The following HDAC4 variants were observed in gnomAD, a reference collection of about 807,000 sequenced individuals.
HDAC4 encodes the protein histone deacetylase A.
Under a neutral mutation model 135.1 loss-of-function variants are expected in HDAC4, and 16 were observed. The ratio of observed to expected loss-of-function variants is 0.12; its 90% CI spans 0.08 to 0.18. HDAC4 has a LOEUF of 0.18. HDAC4 is among the 10% of genes least tolerant of loss of function. The probability of loss-of-function intolerance (pLI) is 1.00; values close to 1 mark genes in which losing one functional copy is unlikely to be tolerated. For missense variants in HDAC4, 1,143 were observed against 1,511.8 expected, an observed-to-expected ratio of 0.76 and a Z score of 4.05; for synonymous variants, 685 against 653.4, an observed-to-expected ratio of 1.05 and a Z score of -0.74.
intron 1 of HDAC4, among the ~76,000 whole-genome samples, chr2:239,361,364 A>C (rs1014179877): frequency 3.9e-5 from 6 of 152,256 alleles, no homozygotes; most frequent in Non-Finnish European, 7.3e-5. Flanking sequence ...AGGATCTGAT[A>C]TCAAAGATTC....
chr2:239,347,921 G>A (rs190742423), intron 2 of HDAC4, among the ~76,000 whole-genome samples: 31 of 151,716 alleles, frequency 2.0e-4, no homozygotes, highest in East Asian at 3.9e-4. Context: ...GCTTCCTATC[G>A]AGAGCATCAT....
intron 6 of HDAC4, 136 bp from the exon 7 acceptor site, chr2:239,156,909 G>A: frequency 2.0e-6 from 2 of 999,332 alleles, no homozygotes; most frequent in Non-Finnish European, 1.5e-6. Context: ...TTTTCCCTAG[G>A]GTCAAGCTGA....
At chr2:239,116,174 T>C (rs570245387) in intron 12 of HDAC4, among the ~76,000 whole-genome samples, 9 of 152,166 alleles carry the variant, frequency 5.9e-5, no homozygotes, top group Non-Finnish European at 1.3e-4. Flanking sequence ...CTCGGCTCAT[T>C]TCCCCATTCT....
At chr2:239,363,117 T>C (rs1264928526) in intron 1 of HDAC4, among the ~76,000 whole-genome samples, 1 of 152,190 alleles carries the variant, frequency 6.6e-6, no homozygotes, top group Non-Finnish European at 1.5e-5. Flanking sequence ...GTAGAAGAAT[T>C]CTACATAGAA....
chr2:239,089,929 C>G (rs567802644), intron 18 of HDAC4, 80 bp downstream of exon 18: 4 of 1,012,722 alleles, frequency 3.9e-6, no homozygotes, highest in Non-Finnish European at 6.3e-6. Flanking sequence ...GAGAGGGAGA[C>G]GGAGTGGGCG....
intron 1 of HDAC4, among the ~76,000 whole-genome samples, chr2:239,380,389 T>A (rs1189049577): frequency 6.6e-6 from 1 of 152,250 alleles, no homozygotes; most frequent in Non-Finnish European, 1.5e-5. Flanking sequence ...ATTGATAATA[T>A]AGACATATTT....
chr2:239,385,709 C>T (rs1291211493), intron 1 of HDAC4, among the ~76,000 whole-genome samples: 1 of 152,254 alleles, frequency 6.6e-6, no homozygotes, highest in Non-Finnish European at 1.5e-5. Flanking sequence ...TACAACAGGA[C>T]ACAGGGAGCC....
intron 20 of HDAC4, 50 bp downstream of exon 20, chr2:239,084,105 G>A: frequency 7.4e-7 from 1 of 1,345,206 alleles, no homozygotes; most frequent in Admixed American, 1.8e-5. Flanking sequence ...TCCGCTCGGG[G>A]ACGGCAAAGG....
At chr2:239,085,351 C>T (rs2035830791) in intron 19 of HDAC4, among the ~76,000 whole-genome samples, 1 of 152,168 alleles carries the variant, frequency 6.6e-6, no homozygotes, top group Non-Finnish European at 1.5e-5. Context: ...TCTCAAATTC[C>T]CTTTGTCCGA....
chr2:239,122,735 G>A (rs922528390), intron 12 of HDAC4, among the ~76,000 whole-genome samples: 1 of 152,248 alleles, frequency 6.6e-6, no homozygotes, highest in Non-Finnish European at 1.5e-5. Flanking sequence ...GGGAACACCA[G>A]GGCTAGGCAC....
chr2:239,068,598 G>T lies in HDAC4; in HGVS notation c.2760C>A (p.Val920=). ...GGGCAAACTCGCTGGCGATCGGCAT[G>T]ACCACCGTTCTGCAAAGGACAGGAG... ...AEYLAAFRTV[V]MPIASEFAPD... Residue 920 remains valine (V), a synonymous_variant, in exon 23 of 27, where the codon GTC becomes GTA. Transcript: ENST00000543185. The surrounding 1 kb of genome is among the most constrained non-coding windows in gnomAD (Gnocchi z 4.4). 1 of 1,613,780 alleles carries T rather than the reference G, an allele frequency of 6.2e-7. No individual in the cohort carries two copies. The highest frequency in any genetic ancestry group is 8.5e-7 in the Non-Finnish European group (1 of 1,179,832).
At chr2:239,297,005 C>A (rs2051937761) in intron 2 of HDAC4, among the ~76,000 whole-genome samples, 1 of 146,920 alleles carries the variant, frequency 6.8e-6, no homozygotes, top group African/African-American at 2.5e-5. Context: ...AAATAAAACT[C>A]CCATTTCTGT....
chr2:239,393,227 T>C (rs1696346813), intron 1 of HDAC4, among the ~76,000 whole-genome samples: 1 of 152,188 alleles, frequency 6.6e-6, no homozygotes. Context: ...AAGGAGGGCC[T>C]AGCCGCGCCA....
chr2:239,184,308 C>T (rs1169100097), intron 4 of HDAC4, among the ~76,000 whole-genome samples: 2 of 150,806 alleles, frequency 1.3e-5, no homozygotes, highest in Non-Finnish European at 3.0e-5. Context: ...AGTGTCTGTC[C>T]TGGAGGATGT....
rs2030621861 is a variant in HDAC4, at chr2:239,050,176, A to G, written c.*2921T>C. 6.6e-6 allele frequency: 1 copy of G among 152,590 alleles called. No individual in the cohort carries two copies. Among genetic ancestry groups the G allele is most frequent in the African/African-American group, 2.4e-5 (1 of 41,458 alleles). The allele number at this position is 152,590 out of a possible 1,614,324, so 9.5% of individuals were successfully genotyped here. On this transcript the variant is annotated 3_prime_UTR_variant, in exon 27 of 27. Transcript: ENST00000543185. Reference sequence around the variant, plus strand: ...ATTTGTGAAGCTGGAGTGAGCTGACAGATGAAACGTGCCTCCCCCTGCCAG... The same window carrying G: ...ATTTGTGAAGCTGGAGTGAGCTGACGGATGAAACGTGCCTCCCCCTGCCAG...
chr2:239,152,724 G>A (rs753081583), intron 7 of HDAC4, among the ~76,000 whole-genome samples: 5 of 152,196 alleles, frequency 3.3e-5, no homozygotes, highest in Non-Finnish European at 7.3e-5. Context: ...TCTCTAAGTG[G>A]AGGTGAGTGG....
intron 4 of HDAC4, among the ~76,000 whole-genome samples, chr2:239,183,054 T>G (rs1033996477): frequency 6.6e-6 from 1 of 152,212 alleles, no homozygotes; most frequent in Non-Finnish European, 1.5e-5. Flanking sequence ...CAAGGGCTGT[T>G]GGGAAGCAAT....
chr2:239,084,342 G>T, intron 19 of HDAC4, 100 bp from the exon 20 acceptor site: 5 of 799,210 alleles, frequency 6.3e-6, no homozygotes, highest in Non-Finnish European at 8.6e-6. Context: ...GCAGACCTAA[G>T]AGGTCTCTGT....
intron 3 of HDAC4, among the ~76,000 whole-genome samples, chr2:239,198,213 G>A (rs1250923253): frequency 6.6e-6 from 1 of 152,228 alleles, no homozygotes; most frequent in East Asian, 1.9e-4. Context: ...CTCCCCTCAG[G>A]TGCCTGGTTG....
Sources: gnomAD v4.1 joint callset for allele counts (sites outside exome capture counted in the v4.1 genomes callset) on GRCh38, gnomAD v4.1.1 for gene constraint, Gnocchi (gnomAD v3.1) non-coding constraint, MANE v1.5 for transcripts, NCBI Gene and HGNC (gene_info 2026-07-23, HGNC 2026-07-21) for gene names.